TTC29: variants seen among roughly 807,000 people sequenced by gnomAD.
The protein encoded by TTC29 is tetratricopeptide repeat protein 29.
In TTC29, 49 loss-of-function variants were observed where a neutral mutation model predicts 58.1. That is an observed-to-expected ratio of 0.84 (90% CI 0.67 to 1.07). The LOEUF (loss-of-function observed/expected upper bound fraction) is 1.07. Among genes scored for constraint, TTC29 ranks in the 50% least tolerant of loss-of-function variants. The pLI, the probability that TTC29 is intolerant of heterozygous loss-of-function variation, is 0.00. For missense variants in TTC29, 582 were observed against 555.6 expected, an observed-to-expected ratio of 1.05 and a Z score of -0.48; for synonymous variants, 209 against 196.8, an observed-to-expected ratio of 1.06 and a Z score of -0.52.
intron 11 of TTC29, among the ~76,000 whole-genome samples, chr4:146,725,763 T>C (rs1209431317): frequency 6.6e-6 from 1 of 152,184 alleles, no homozygotes; most frequent in East Asian, 1.9e-4. Flanking sequence ...AAATAGCCTA[T>C]ATAGTTTAAA....
At chr4:146,776,384 G>C (rs1748092640) in intron 11 of TTC29, among the ~76,000 whole-genome samples, 1 of 151,756 alleles carries the variant, frequency 6.6e-6, no homozygotes, top group African/African-American at 2.4e-5. Flanking sequence ...CTCTGGTTCT[G>C]TCTCATCTGT....
chr4:146,743,813 T>C (rs1017561090), intron 11 of TTC29, among the ~76,000 whole-genome samples: 4 of 152,344 alleles, frequency 2.6e-5, no homozygotes, highest in African/African-American at 9.6e-5. Flanking sequence ...AATTGCTCCA[T>C]GAGCAATGTG....
At chr4:146,765,660 TAAGC>T (rs1460366036) in intron 11 of TTC29, among the ~76,000 whole-genome samples, 4 of 152,186 alleles carry the variant, frequency 2.6e-5, no homozygotes, top group African/African-American at 9.7e-5. Flanking sequence ...TGTTTCTACT[TAAGC>T]AATAACACTC....
At position 146,869,634 on chromosome 4, in the gene TTC29, T is replaced by C. The variant is rs551704768; in HGVS notation, c.800-2051A>G. On this transcript the variant is annotated intron_variant, in intron 7 of 12. Coordinates refer to ENST00000325106, the MANE Select transcript of TTC29 (RefSeq NM_031956.4). ...GGTATGTATTTTCTGTGTCAAGTGG[T>C]GTAACTGTGTTAAAGCACTAGCAAC... Among the ~76,000 whole-genome samples, 3 of 152,196 alleles carry C rather than the reference T, an allele frequency of 2.0e-5. No homozygotes were observed. In the South Asian group the frequency reaches 6.2e-4, roughly 32 times the overall value.
chr4:146,808,178 A>G (rs1750753511), intron 10 of TTC29, among the ~76,000 whole-genome samples: 1 of 152,216 alleles, frequency 6.6e-6, no homozygotes, highest in Non-Finnish European at 1.5e-5. Flanking sequence ...GGCCTTCGAT[A>G]AAATTAAACA....
rs57951745 is a variant in TTC29, at chr4:146,780,302, GGTGTGTGTGTGT to G, written c.1330+23143_1330+23154del. 5.9e-3 allele frequency among the ~76,000 whole-genome samples: 818 copies of G among 138,536 alleles called. 7 individuals are homozygous for G. Among genetic ancestry groups the G allele is most frequent in the African/African-American group, 0.02 (734 of 37,562 alleles). 90.9% of individuals were successfully genotyped at this position (138,536 alleles called of 152,430 possible). A position where few individuals can be genotyped will look rare whatever the true frequency, so the allele number is the denominator to read the frequency against. On this transcript the variant is annotated intron_variant, in intron 11 of 12. Coordinates refer to ENST00000325106, the MANE Select transcript of TTC29 (RefSeq NM_031956.4). ...TTCTGAATGAGTCTTCCTAACTTGG[GGTGTGTGTGTGT>G]GTGTGTGTGTGTGTGTGTGTGTGTG...
At chr4:146,910,175 GA>G (rs1733805999) in intron 4 of TTC29, among the ~76,000 whole-genome samples, 12 of 151,820 alleles carry the variant, frequency 7.9e-5, no homozygotes, top group Admixed American at 7.9e-4. Context: ...CCGTGGAGTG[GA>G]AACAGCCCAG....
At chr4:146,764,545 A>G (rs867409451) in intron 11 of TTC29, among the ~76,000 whole-genome samples, 8 of 152,124 alleles carry the variant, frequency 5.3e-5, no homozygotes, top group Non-Finnish European at 1.0e-4. Flanking sequence ...ATTATTTTAA[A>G]AAGAAAAAAA....
chr4:146,885,013 A>G (rs1731885490), intron 6 of TTC29, among the ~76,000 whole-genome samples: 1 of 152,110 alleles, frequency 6.6e-6, no homozygotes, highest in African/African-American at 2.4e-5. Flanking sequence ...GCAAACAAAG[A>G]TGTTATTATC....
At chr4:146,914,187 TA>T (rs1022074374) in intron 4 of TTC29, among the ~76,000 whole-genome samples, 1 of 151,818 alleles carries the variant, frequency 6.6e-6, no homozygotes, top group East Asian at 1.9e-4. Context: ...ATCGGCTATC[TA>T]AAAAAAAGGA....
At chr4:146,835,607 A>T (rs565490761) in intron 8 of TTC29, among the ~76,000 whole-genome samples, 42 of 152,272 alleles carry the variant, frequency 2.8e-4, no homozygotes, top group Admixed American at 5.2e-4. Context: ...AGTAGATGAG[A>T]ATATGCCTGT....
At chr4:146,882,397 A>G (rs1167792113) in intron 6 of TTC29, among the ~76,000 whole-genome samples, 1 of 152,166 alleles carries the variant, frequency 6.6e-6, no homozygotes, top group South Asian at 2.1e-4. Flanking sequence ...ATGTATAAAA[A>G]GTAAGGAATT....
At chr4:146,829,862 T>C (rs1728045047) in intron 9 of TTC29, among the ~76,000 whole-genome samples, 1 of 152,172 alleles carries the variant, frequency 6.6e-6, no homozygotes, top group African/African-American at 2.4e-5. Flanking sequence ...CATATTTTTG[T>C]GAATGTTTTT....
chr4:146,719,266 A>G (rs921134705), intron 11 of TTC29, among the ~76,000 whole-genome samples: 2 of 150,516 alleles, frequency 1.3e-5, no homozygotes, highest in Non-Finnish European at 3.0e-5. Context: ...TGTCTTTTCT[A>G]TTTATGAAAA....
At position 146,762,728 on chromosome 4, in the gene TTC29, G is replaced by T. The variant is rs542031888; in HGVS notation, c.1330+40729C>A. 3.9e-5 allele frequency among the ~76,000 whole-genome samples: 6 copies of T among 151,906 alleles called. No individual in the cohort carries two copies. In the East Asian group the frequency reaches 1.2e-3, roughly 29 times the overall value. On this transcript the variant is annotated intron_variant, in intron 11 of 12. Transcript: ENST00000325106. ...CTCAGTGACCTCAGACTCATAGTTTGCCTGGCTTGTCTACTACTAAGGGAT... is the reference window on the plus strand; with the variant it reads ...CTCAGTGACCTCAGACTCATAGTTTTCCTGGCTTGTCTACTACTAAGGGAT...
At chr4:146,816,500 C>T (rs567555285) in intron 10 of TTC29, among the ~76,000 whole-genome samples, 4 of 151,280 alleles carry the variant, frequency 2.6e-5, no homozygotes, top group South Asian at 2.1e-4. Context: ...GGGGAGGACT[C>T]GAAAAAAGAG....
At chr4:146,912,244 G>A (rs1321200526) in intron 4 of TTC29, among the ~76,000 whole-genome samples, 3 of 152,196 alleles carry the variant, frequency 2.0e-5, no homozygotes, top group African/African-American at 7.2e-5. Context: ...GTCAAGATCT[G>A]AAAATAAATG....
rs577765529 is a variant in TTC29 at position 146,713,766 on chromosome 4, C to T, written c.1331-6215G>A. ...TAGGGTTTTTTTTAACCTTACACAC[C>T]ATTATTCTGAATAAATGGAATGCAA... On this transcript the variant is annotated intron_variant, in intron 11 of 12. Coordinates refer to ENST00000325106, the MANE Select transcript of TTC29 (RefSeq NM_031956.4). 1.1e-3 allele frequency among the ~76,000 whole-genome samples: 163 copies of T among 151,940 alleles called. 1 individual carries two copies. The highest frequency in any genetic ancestry group is 3.4e-3 in the Middle Eastern group (1 of 294).
intron 10 of TTC29, among the ~76,000 whole-genome samples, chr4:146,805,128 C>T (rs1379602064): frequency 6.6e-6 from 1 of 152,098 alleles, no homozygotes; most frequent in Admixed American, 6.5e-5. Flanking sequence ...CTCCAGCAGC[C>T]CTGCAGGAGA....
Sources: allele counts gnomAD v4.1 joint callset (sites outside exome capture counted in the v4.1 genomes callset), GRCh38; gene constraint gnomAD v4.1.1; transcripts MANE v1.5; gene names NCBI Gene and HGNC (gene_info 2026-07-23, HGNC 2026-07-21).